The following CSNK2A1 variants were observed in gnomAD, a reference collection of about 807,000 sequenced individuals.
CSNK2A1 encodes casein kinase 2 alpha 1, also known as casein kinase II subunit alpha.
A neutral mutation model predicts 62.9 loss-of-function variants in CSNK2A1; 10 were observed. That is an observed-to-expected ratio of 0.16 (90% CI 0.10 to 0.27). The LOEUF (loss-of-function observed/expected upper bound fraction) is 0.27, where lower values mean the gene tolerates loss of function less well. Among genes scored for constraint, CSNK2A1 ranks in the 10% least tolerant of loss-of-function variants. The pLI is 1.00. For missense variants in CSNK2A1, 160 were observed against 492.0 expected, an observed-to-expected ratio of 0.33 and a Z score of 6.38; for synonymous variants, 124 against 167.8, an observed-to-expected ratio of 0.74 and a Z score of 2.02.
intron 2 of CSNK2A1, among the ~76,000 whole-genome samples, chr20:519,299 A>C (rs2018894744): frequency 6.6e-6 from 1 of 152,256 alleles, no homozygotes; most frequent in Non-Finnish European, 1.5e-5. Flanking sequence ...CAGTAACTGA[A>C]GACAGTTGAA....
Position 503,831 on chromosome 20 carries a change from T to G in CSNK2A1, c.213+1287A>C, listed in dbSNP as rs2018518584. On this transcript the variant is annotated intron_variant, in intron 4 of 13. Transcript: ENST00000217244. Reference sequence around the variant, plus strand: ...TTATATAAGAACAAATTTAACTTTTTTCTTTTAATTTATGTGAATAACTTT... The same window carrying G: ...TTATATAAGAACAAATTTAACTTTTGTCTTTTAATTTATGTGAATAACTTT... 8 of 396,718 alleles carry G rather than the reference T, an allele frequency of 2.0e-5. No individual in the cohort carries two copies. The South Asian group carries it at 8.5e-4, about 42-fold the overall frequency. 24.6% of individuals were successfully genotyped at this position (396,718 alleles called of 1,614,324 possible).
At chr20:523,413 T>C (rs931795955) in intron 2 of CSNK2A1, among the ~76,000 whole-genome samples, 24 of 152,034 alleles carry the variant, frequency 1.6e-4, no homozygotes, top group African/African-American at 5.8e-4. Flanking sequence ...CTTCAAGGAG[T>C]GAATGGATAA....
chr20:500,052 A>T (rs745974760), intron 4 of CSNK2A1, 118 bp from the exon 5 acceptor site: 24 of 726,020 alleles, frequency 3.3e-5, no homozygotes, highest in Non-Finnish European at 5.5e-5. Flanking sequence ...CCTTGAAGGA[A>T]GAAAATGTGT....
At chr20:518,648 G>A (rs149273472) in intron 2 of CSNK2A1, among the ~76,000 whole-genome samples, 3,349 of 151,564 alleles carry the variant, frequency 0.022, 138 homozygotes, top group African/African-American at 0.077. Context: ...CTGGGTTCAC[G>A]CCATTCTCCT....
intron 2 of CSNK2A1, among the ~76,000 whole-genome samples, chr20:515,534 G>T (rs1256612737): frequency 6.6e-6 from 1 of 152,074 alleles, no homozygotes; most frequent in Non-Finnish European, 1.5e-5. Context: ...ATCCAATACA[G>T]TTACAGCTGG....
intron 7 of CSNK2A1, 37 bp from the exon 8 acceptor site, chr20:495,839 A>G: frequency 6.4e-7 from 1 of 1,558,686 alleles, no homozygotes; most frequent in East Asian, 2.2e-5. Context: ...GTTAGCCTGA[A>G]TAATACGTAA....
chr20:495,827 G>A (rs2018336316), intron 7 of CSNK2A1, 25 bp from the exon 8 acceptor site: 2 of 1,596,720 alleles, frequency 1.3e-6, no homozygotes, highest in Non-Finnish European at 1.7e-6. Flanking sequence ...GGTCAGAAAG[G>A]AGTTAGCCTG....
chr20:538,323 A>G (rs1216689182), intron 1 of CSNK2A1, among the ~76,000 whole-genome samples: 1 of 152,232 alleles, frequency 6.6e-6, no homozygotes, highest in Non-Finnish European at 1.5e-5. Context: ...ATTCTAGACT[A>G]GCTCTAGGGC....
chr20:522,661 T>C (rs946666900), intron 2 of CSNK2A1, among the ~76,000 whole-genome samples: 1 of 152,084 alleles, frequency 6.6e-6, no homozygotes, highest in Non-Finnish European at 1.5e-5. Flanking sequence ...GTTTAGTTAA[T>C]AGTATTATAC....
intron 6 of CSNK2A1, chr20:498,195 T>A (rs1463223422): frequency 6.0e-6 from 1 of 165,666 alleles, no homozygotes; most frequent in Non-Finnish European, 1.3e-5. Context: ...CCAGTGGGTA[T>A]GCAGATGGCA....
At chr20:496,542 C>T (rs1235924394) in intron 7 of CSNK2A1, 1 of 152,204 alleles carries the variant, frequency 6.6e-6, no homozygotes, top group Non-Finnish European at 1.5e-5. Flanking sequence ...AATTCTTGTC[C>T]TTCCTGAAGG....
At position 474,670 on chromosome 20, in the gene CSNK2A1, A is replaced by C. The variant is rs2017812974; in HGVS notation, c.*9291T>G. 2 of 152,224 alleles carry C rather than the reference A, an allele frequency of 1.3e-5. No individual in the cohort carries two copies. Among genetic ancestry groups the C allele is most frequent in the South Asian group, 4.1e-4 (2 of 4,828 alleles). 9.4% of individuals were successfully genotyped at this position (152,224 alleles called of 1,614,324 possible). On this transcript the variant is annotated 3_prime_UTR_variant, in exon 14 of 14. Coordinates refer to ENST00000217244, the MANE Select transcript of CSNK2A1 (RefSeq NM_177559.3). ...AGTTTTAGGCATTAGTTCCCCTTATAAATGATGAGAGTTTAGAGCTTAGAC... is the reference window on the plus strand; with the variant it reads ...AGTTTTAGGCATTAGTTCCCCTTATCAATGATGAGAGTTTAGAGCTTAGAC...
chr20:537,331 T>G (rs1305197067), intron 1 of CSNK2A1, among the ~76,000 whole-genome samples: 8 of 152,194 alleles, frequency 5.3e-5, no homozygotes, highest in Non-Finnish European at 1.0e-4. Flanking sequence ...TAAAGAAGCT[T>G]GCCGACCATA....
chr20:489,917 A>G, intron 9 of CSNK2A1, 36 bp from the exon 10 acceptor site: 1 of 1,492,714 alleles, frequency 6.7e-7, no homozygotes, highest in Non-Finnish European at 9.1e-7. Context: ...TTATCTGTGA[A>G]TCCTCAGGCT....
chr20:511,670 AAAGGC>A (rs2018721732), intron 2 of CSNK2A1, among the ~76,000 whole-genome samples: 3 of 151,296 alleles, frequency 2.0e-5, no homozygotes, highest in Non-Finnish European at 4.4e-5. Context: ...CAATCCTTTT[AAAGGC>A]TGAATGATAT....
Position 481,924 on chromosome 20 carries a change from C to T in CSNK2A1, c.*2037G>A, listed in dbSNP as rs866336502. The T allele has an allele frequency of 1.3e-5, 2 of 152,116 alleles. No homozygotes were observed. Among genetic ancestry groups the T allele is most frequent in the Non-Finnish European group, 2.9e-5 (2 of 68,022 alleles). 9.4% of individuals were successfully genotyped at this position (152,116 alleles called of 1,614,324 possible). A position where few individuals can be genotyped will look rare whatever the true frequency, so the allele number is the denominator to read the frequency against. On this transcript the variant is annotated 3_prime_UTR_variant, in exon 14 of 14. Transcript: ENST00000217244. ...TTCTAGGGCATAAAAGGGTCAAGTA[C>T]AATAAATATCCACTGTAAGTGGTCA... is the stretch of plus-strand genomic sequence containing the variant.
chr20:485,134 ATATG>A (rs2018068295), intron 13 of CSNK2A1, among the ~76,000 whole-genome samples: 1 of 101,616 alleles, frequency 9.8e-6, no homozygotes, highest in African/African-American at 3.6e-5. Context: ...ATATATATAT[ATATG>A]AGAACATTAT....
At chr20:491,184 A>C (rs2018228390) in intron 9 of CSNK2A1, among the ~76,000 whole-genome samples, 1 of 152,232 alleles carries the variant, frequency 6.6e-6, no homozygotes, top group African/African-American at 2.4e-5. Context: ...GACTGGGCAT[A>C]AAAGATACTC....
chr20:501,534 TA>T (rs1376427391), intron 4 of CSNK2A1: 2 of 152,198 alleles, frequency 1.3e-5, no homozygotes, highest in African/African-American at 2.4e-5. Context: ...TAAATCAATA[TA>T]AAAATTATTA....
Sources: gnomAD v4.1 joint callset for allele counts (sites outside exome capture counted in the v4.1 genomes callset) on GRCh38, gnomAD v4.1.1 for gene constraint, MANE v1.5 for transcripts, NCBI Gene and HGNC (gene_info 2026-07-23, HGNC 2026-07-21) for gene names.